CYSLTR1: variants seen among roughly 807,000 people sequenced by gnomAD.
The protein encoded by CYSLTR1 is cysteinyl leukotriene receptor 1, also known as G-protein coupled receptor HG55.
CYSLTR1 carries 1 observed loss-of-function variant against 2.1 expected under a neutral mutation model. The ratio of observed to expected loss-of-function variants is 0.48; its 90% CI spans 0.17 to 2.28. CYSLTR1 has a LOEUF of 2.28. CYSLTR1 is among the 30% of genes most tolerant of loss of function. CYSLTR1 has a pLI of 0.26. For synonymous variants in CYSLTR1, 110 were observed against 89.6 expected (o/e 1.23, Z -1.28); for missense variants, 299 against 250.1 (o/e 1.20, Z -1.32).
chrX:78,281,142 C>A (rs1401823491), intron 2 of CYSLTR1, among the ~76,000 whole-genome samples: 1 of 111,071 alleles, frequency 9.0e-6, no homozygotes, highest in African/African-American at 3.3e-5. Context: ...CTATTTTTAG[C>A]TCTTTGAGGA....
intron 1 of CYSLTR1, among the ~76,000 whole-genome samples, chrX:78,303,060 A>G (rs1436810892): frequency 9.0e-6 from 1 of 111,603 alleles, no homozygotes; most frequent in Admixed American, 9.5e-5. Flanking sequence ...AGAACACTGT[A>G]GCCCACAGCA....
At chrX:78,306,426 A>G (rs1923034917) in intron 1 of CYSLTR1, among the ~76,000 whole-genome samples, 1 of 111,231 alleles carries the variant, frequency 9.0e-6, no homozygotes. Flanking sequence ...AGTTTCCCAA[A>G]GTGCTGGGAT....
At chrX:78,306,555 G>A (rs1923039838) in intron 1 of CYSLTR1, among the ~76,000 whole-genome samples, 1 of 111,684 alleles carries the variant, frequency 9.0e-6, no homozygotes, top group African/African-American at 3.2e-5. Flanking sequence ...TATAGTAAAT[G>A]ACTTCTCCTT....
rs772442182 is a variant in CYSLTR1 at position 78,290,648 on chromosome X, T to G, written c.-114-7108A>C. ...TTATTTCATTGAGCAGTGGTTTGTA[T>G]TTCTCCTTGAAGAGGTCCTTCACAT... On this transcript the variant is annotated intron_variant, in intron 1 of 2. Transcript: ENST00000373304. Among the ~76,000 whole-genome samples the G allele has an allele frequency of 9.6e-4, 107 of 111,782 alleles. No homozygotes were observed. The South Asian group carries it at 0.039, about 41-fold the overall frequency.
At chrX:78,292,630 T>C (rs191198637) in intron 1 of CYSLTR1, among the ~76,000 whole-genome samples, 11 of 111,788 alleles carry the variant, frequency 9.8e-5, no homozygotes, top group Admixed American at 2.8e-4. Flanking sequence ...TCTAAGGACT[T>C]GCTTTATGAA....
chrX:78,305,378 TTA>T, intron 1 of CYSLTR1, among the ~76,000 whole-genome samples: 1 of 111,776 alleles, frequency 8.9e-6, no homozygotes, highest in Middle Eastern at 4.6e-3. Context: ...TCAGATTGTT[TTA>T]GAGTCCAAAT....
chrX:78,277,417 T>C (rs948371110), intron 2 of CYSLTR1, among the ~76,000 whole-genome samples: 1 of 111,914 alleles, frequency 8.9e-6, no homozygotes, highest in Admixed American at 9.5e-5. Context: ...GCCACTAGCA[T>C]GCAGTTGCCT....
Sources: allele counts gnomAD v4.1 joint callset (sites outside exome capture counted in the v4.1 genomes callset), GRCh38; gene constraint gnomAD v4.1.1; transcripts MANE v1.5; gene names NCBI Gene and HGNC (gene_info 2026-07-23, HGNC 2026-07-21).